Variants in MAP2K1 observed in about 807,000 individuals in gnomAD.
The protein encoded by MAP2K1 is dual specificity mitogen-activated protein kinase kinase 1.
In MAP2K1, 16 loss-of-function variants were observed where a neutral mutation model predicts 46.3. The ratio of observed to expected loss-of-function variants is 0.35; its 90% confidence interval spans 0.23 to 0.52. The LOEUF (loss-of-function observed/expected upper bound fraction) is 0.52, where lower values mean the gene tolerates loss of function less well. MAP2K1 is among the 20% of genes least tolerant of loss of function. The probability of loss-of-function intolerance (pLI) is 0.94; values close to 1 mark genes in which losing one functional copy is unlikely to be tolerated. For synonymous variants in MAP2K1, 183 were observed against 185.6 expected (o/e 0.99, Z 0.11); for missense variants, 263 against 497.1 (o/e 0.53, Z 4.48).
In MAP2K1 at chr15:66,490,913, G is replaced by C. The variant is rs1427903583; in HGVS notation, c.*298G>C. 1 of 491,786 alleles carries C rather than the reference G, an allele frequency of 2.0e-6. No individual in the cohort carries two copies. Among genetic ancestry groups the C allele is most frequent in the Non-Finnish European group, 3.7e-6 (1 of 267,324 alleles). The allele number at this position is 491,786 out of a possible 1,614,324, so 30.5% of individuals were successfully genotyped here. A position where few individuals can be genotyped will look rare whatever the true frequency, so the allele number is the denominator to read the frequency against. On this transcript the variant is annotated 3_prime_UTR_variant, in exon 11 of 11. Coordinates refer to ENST00000307102, the MANE Select transcript of MAP2K1 (RefSeq NM_002755.4). Reference sequence around the variant, plus strand: ...AGTGAAATTTTGGTGAATGTGGGTAGTCATTCTTACAATTGCACTGCTGTT... The same window carrying C: ...AGTGAAATTTTGGTGAATGTGGGTACTCATTCTTACAATTGCACTGCTGTT...
intron 5 of MAP2K1, among the ~76,000 whole-genome samples, chr15:66,452,594 G>C (rs1446145350): frequency 6.6e-6 from 1 of 152,194 alleles, no homozygotes; most frequent in African/African-American, 2.4e-5. Flanking sequence ...GACATATGCA[G>C]TCTACCACTA....
At chr15:66,398,152 C>T (rs12908433) in intron 1 of MAP2K1, among the ~76,000 whole-genome samples, 8,541 of 151,770 alleles carry the variant, frequency 0.056, 344 homozygotes, top group Middle Eastern at 0.11. Flanking sequence ...CACCTGTAAT[C>T]CCAGCACTTG....
chr15:66,470,091 C>CTTTTTTTTTTTTTTTTT (rs1567021186), intron 5 of MAP2K1, among the ~76,000 whole-genome samples: 1 of 55,736 alleles, frequency 1.8e-5, no homozygotes, highest in Non-Finnish European at 3.5e-5. Context: ...ACTTTTTTTT[C>CTTTTTTTTTTTTTTTTT]TTGTTTTTTT....
chr15:66,426,063 T>C (rs989913722), intron 1 of MAP2K1, among the ~76,000 whole-genome samples: 1 of 152,108 alleles, frequency 6.6e-6, no homozygotes. Context: ...CAAAACCATC[T>C]TGAACGTTCA....
At chr15:66,388,085 C>G (rs1328800778) in intron 1 of MAP2K1, among the ~76,000 whole-genome samples, 1 of 152,214 alleles carries the variant, frequency 6.6e-6, no homozygotes, top group Non-Finnish European at 1.5e-5. Context: ...CATTTTCTCA[C>G]TAATGATTTC....
intron 7 of MAP2K1, among the ~76,000 whole-genome samples, chr15:66,485,908 T>G: frequency 6.6e-6 from 1 of 151,676 alleles, no homozygotes; most frequent in East Asian, 1.9e-4. Context: ...TTTGTTTTGT[T>G]TTGTTTTTGA....
intron 1 of MAP2K1, among the ~76,000 whole-genome samples, chr15:66,408,813 G>T (rs2093404301): frequency 6.6e-6 from 1 of 152,078 alleles, no homozygotes; most frequent in Non-Finnish European, 1.5e-5. Flanking sequence ...CAACTTGGAG[G>T]TCATGTCTTA....
chr15:66,396,401 C>G (rs2093367637), intron 1 of MAP2K1, among the ~76,000 whole-genome samples: 1 of 152,100 alleles, frequency 6.6e-6, no homozygotes, highest in Non-Finnish European at 1.5e-5. Flanking sequence ...TCCCAAGTAG[C>G]TATGATAACA....
intron 1 of MAP2K1, among the ~76,000 whole-genome samples, chr15:66,406,271 T>A (rs909023298): frequency 6.6e-6 from 1 of 152,244 alleles, no homozygotes; most frequent in African/African-American, 2.4e-5. Context: ...CCATGTACCT[T>A]CCTGTTTAGC....
intron 1 of MAP2K1, among the ~76,000 whole-genome samples, chr15:66,392,701 G>A (rs1290584420): frequency 2.6e-5 from 4 of 151,302 alleles, no homozygotes; most frequent in Non-Finnish European, 5.9e-5. Context: ...TTACAGGCAT[G>A]TGCCACCGTG....
chr15:66,445,132 G>A (rs1166500983), intron 5 of MAP2K1, among the ~76,000 whole-genome samples: 1 of 147,964 alleles, frequency 6.8e-6, no homozygotes, highest in East Asian at 2.0e-4. Context: ...AGCACTTTGG[G>A]AGGCCGAGGG....
intron 1 of MAP2K1, among the ~76,000 whole-genome samples, chr15:66,429,238 AT>A (rs2093468123): frequency 6.6e-6 from 1 of 152,210 alleles, no homozygotes. Context: ...CACTCACGGC[AT>A]AAGGCAAAGG....
At chr15:66,393,135 C>G (rs909834431) in intron 1 of MAP2K1, among the ~76,000 whole-genome samples, 4 of 151,826 alleles carry the variant, frequency 2.6e-5, no homozygotes, top group Admixed American at 2.0e-4. Context: ...TCTTAGGGTA[C>G]ATTGTCTCTC....
Position 66,435,200 on chromosome 15 carries a change from T to G in MAP2K1, c.254T>G (p.Val85Gly), listed in dbSNP as rs2140579796. 1 of 1,614,000 alleles carries G rather than the reference T, an allele frequency of 6.2e-7. No homozygotes were observed. The highest frequency in any genetic ancestry group is 8.5e-7 in the Non-Finnish European group (1 of 1,179,986). Residue 85 changes from valine to glycine, a missense_variant, in exon 2 of 11, where the codon GTC (valine) becomes GGC (glycine). Val to Gly is a moderately radical substitution (Grantham distance 109). Coordinates refer to ENST00000307102, the MANE Select transcript of MAP2K1 (RefSeq NM_002755.4). The stretch of plus-strand genomic sequence containing the variant: ...GGCAATGGCGGTGTGGTGTTCAAGG[T>G]CTCCCACAAGCCTTCTGGCCTGGTC... ...GAGNGGVVFK[V>G]SHKPSGLVMA...
chr15:66,435,335 T>A, intron 2 of MAP2K1, 98 bp downstream of exon 2: 2 of 996,158 alleles, frequency 2.0e-6, no homozygotes, highest in Non-Finnish European at 3.1e-6. Flanking sequence ...ACTCAATACC[T>A]TTTTGTGCTG....
intron 8 of MAP2K1, among the ~76,000 whole-genome samples, chr15:66,488,360 G>A (rs117430527): frequency 0.012 from 1,806 of 152,322 alleles, 67 homozygotes; most frequent in East Asian, 0.074. Context: ...AAGAGCACTA[G>A]GTTGGGCTTT....
chr15:66,485,656 G>A (rs1168737687), intron 7 of MAP2K1, among the ~76,000 whole-genome samples: 1 of 152,062 alleles, frequency 6.6e-6, no homozygotes, highest in Non-Finnish European at 1.5e-5. Context: ...ACAGCTCACT[G>A]CAGCCTCAAC....
intron 5 of MAP2K1, among the ~76,000 whole-genome samples, chr15:66,452,825 C>G (rs1309322082): frequency 6.6e-6 from 1 of 152,174 alleles, no homozygotes; most frequent in African/African-American, 2.4e-5. Flanking sequence ...TAAAAACCAG[C>G]GATTAAAACC....
chr15:66,422,302 A>G (rs376302406), intron 1 of MAP2K1, among the ~76,000 whole-genome samples: 25 of 152,290 alleles, frequency 1.6e-4, no homozygotes, highest in South Asian at 6.2e-4. Context: ...TCTGATACCT[A>G]TAAGTGTGTG....
Sources: gnomAD v4.1 joint callset for allele counts (sites outside exome capture counted in the v4.1 genomes callset) on GRCh38, gnomAD v4.1.1 for gene constraint, MANE v1.5 for transcripts, NCBI Gene and HGNC (gene_info 2026-07-23, HGNC 2026-07-21) for gene names.